Variants in COTL1 observed in about 807,000 individuals in gnomAD.
The protein encoded by COTL1 is coactosin like F-actin binding protein 1.
Under a neutral mutation model 16.5 loss-of-function variants are expected in COTL1, and 15 were observed. The observed-to-expected ratio is 0.91, with a 90% confidence interval of 0.61 to 1.40. The LOEUF (loss-of-function observed/expected upper bound fraction) is 1.40. Ranked by LOEUF, COTL1 falls within the 40% of genes most tolerant of loss-of-function variation. The probability of loss-of-function intolerance (pLI) is 0.00; values close to 1 mark genes in which losing one functional copy is unlikely to be tolerated. For synonymous variants in COTL1, 112 were observed against 85.3 expected (o/e 1.31, Z -1.73); for missense variants, 220 against 201.5 (o/e 1.09, Z -0.56).
At chr16:84,607,797 C>T (rs925492673) in intron 2 of COTL1, among the ~76,000 whole-genome samples, 9 of 152,126 alleles carry the variant, frequency 5.9e-5, no homozygotes, top group African/African-American at 2.2e-4. Context: ...AGGGAAAGGA[C>T]TCAACTCAGT....
chr16:84,592,790 C>T (rs16974238), intron 2 of COTL1, among the ~76,000 whole-genome samples: 3,792 of 152,120 alleles, frequency 0.025, 150 homozygotes, highest in African/African-American at 0.087. Context: ...GTAACCAGCA[C>T]GTTCGCCTTC....
chr16:84,582,718 C>G lies in COTL1; in HGVS notation c.318+7387G>C, dbSNP rs111506142. 2.6e-5 allele frequency among the ~76,000 whole-genome samples: 4 copies of G among 152,302 alleles called. 1 individual carries two copies. The South Asian group carries it at 8.3e-4, about 32-fold the overall frequency. On this transcript the variant is annotated intron_variant, in intron 3 of 3. Transcript: ENST00000262428. Reference sequence around the variant, plus strand: ...CACCAGGCATCAAAATGGAGAAGCCCTTTTCACACCTACTGCTTTTCTTTA... The same window carrying G: ...CACCAGGCATCAAAATGGAGAAGCCGTTTTCACACCTACTGCTTTTCTTTA...
intron 3 of COTL1, chr16:84,569,002 T>C (rs746451825): frequency 2.6e-5 from 4 of 152,218 alleles, no homozygotes; most frequent in Non-Finnish European, 2.9e-5. Context: ...CTGTGAATGT[T>C]CTGAAAGCCA....
chr16:84,572,300 T>G (rs1002915935), intron 3 of COTL1, among the ~76,000 whole-genome samples: 3 of 152,138 alleles, frequency 2.0e-5, no homozygotes, highest in African/African-American at 7.2e-5. Context: ...ATGCAAAGCG[T>G]GGCCACCCCT....
At chr16:84,585,815 A>C (rs933394334) in intron 3 of COTL1, among the ~76,000 whole-genome samples, 1 of 152,216 alleles carries the variant, frequency 6.6e-6, no homozygotes, top group Non-Finnish European at 1.5e-5. Context: ...TCAGATAATT[A>C]ACATTCGTAA....
At chr16:84,568,342 G>T (rs1904307688) in intron 3 of COTL1, 2 of 152,212 alleles carry the variant, frequency 1.3e-5, no homozygotes, top group African/African-American at 4.8e-5. Flanking sequence ...CAGTGCCACA[G>T]TACTGAGAAT....
intron 2 of COTL1, among the ~76,000 whole-genome samples, chr16:84,611,102 GACGAGAAAAC>G (rs1485404670): frequency 6.6e-6 from 1 of 152,160 alleles, no homozygotes; most frequent in Non-Finnish European, 1.5e-5. Context: ...CACCTTTACA[GACGAGAAAAC>G]ACAGACCCTG....
At chr16:84,591,254 A>G (rs1330885595) in intron 2 of COTL1, among the ~76,000 whole-genome samples, 3 of 148,358 alleles carry the variant, frequency 2.0e-5, no homozygotes, top group Non-Finnish European at 3.0e-5. Flanking sequence ...CGCGATCTCG[A>G]CTCACTGCAA....
At chr16:84,599,728 G>A (rs748001695) in intron 2 of COTL1, among the ~76,000 whole-genome samples, 7 of 152,166 alleles carry the variant, frequency 4.6e-5, no homozygotes, top group Non-Finnish European at 8.8e-5. Flanking sequence ...TAACTTTACA[G>A]AGACTCCGGA....
chr16:84,613,864 G>A (rs957930346), intron 2 of COTL1, among the ~76,000 whole-genome samples: 2 of 151,776 alleles, frequency 1.3e-5, no homozygotes, highest in African/African-American at 4.8e-5. Context: ...ATGTGATCCA[G>A]GCCTGGCCAC....
intron 3 of COTL1, among the ~76,000 whole-genome samples, chr16:84,582,687 A>G (rs936072852): frequency 1.3e-5 from 2 of 152,206 alleles, no homozygotes; most frequent in Non-Finnish European, 2.9e-5. Context: ...TGAAGGATGA[A>G]TAGTTCACCA....
intron 2 of COTL1, among the ~76,000 whole-genome samples, chr16:84,614,053 TAGG>T (rs1905403334): frequency 2.6e-5 from 4 of 152,046 alleles, no homozygotes; most frequent in Admixed American, 1.3e-4. Context: ...AAGACAGAGC[TAGG>T]AGGAGGAGGA....
intron 2 of COTL1, among the ~76,000 whole-genome samples, chr16:84,607,702 G>C (rs544389570): frequency 4.6e-5 from 7 of 152,232 alleles, no homozygotes; most frequent in African/African-American, 1.7e-4. Flanking sequence ...ATGGAGAAAA[G>C]GTGTTGGAAG....
intron 2 of COTL1, chr16:84,595,458 C>T (rs933876113): frequency 6.6e-6 from 1 of 152,228 alleles, no homozygotes; most frequent in African/African-American, 2.4e-5. Flanking sequence ...CCCTGCTCAC[C>T]CTGAAGGAGG....
At chr16:84,567,619 G>C (rs1012557143) in intron 3 of COTL1, 2 of 152,288 alleles carry the variant, frequency 1.3e-5, no homozygotes, top group African/African-American at 4.8e-5. Context: ...AGTTACACGA[G>C]GGTAGAGGCT....
rs1904991073 is a variant in COTL1 at position 84,595,842 on chromosome 16, G to GTGTATATATGT, written c.161-5581_161-5580insACATATATACA. ...GTATATACATACATTTGTGAGTACA[G>GTGTATATATGT]GTGTATATATGTGTGTATATATATT... On this transcript the variant is annotated intron_variant, in intron 2 of 3. Transcript: ENST00000262428. 7 of 152,080 alleles carry GTGTATATATGT rather than the reference G, an allele frequency of 4.6e-5. No homozygotes were observed. In the South Asian group the frequency reaches 1.4e-3, roughly 31 times the overall value. 9.4% of individuals were successfully genotyped at this position (152,080 alleles called of 1,614,324 possible).
chr16:84,615,673 C>T (rs1597189211), intron 2 of COTL1, among the ~76,000 whole-genome samples: 1 of 152,188 alleles, frequency 6.6e-6, no homozygotes, highest in Non-Finnish European at 1.5e-5. Flanking sequence ...TAAGAGTTTG[C>T]ACTTACTCCA....
chr16:84,608,654 C>T (rs1354176331), intron 2 of COTL1, among the ~76,000 whole-genome samples: 1 of 152,212 alleles, frequency 6.6e-6, no homozygotes, highest in Non-Finnish European at 1.5e-5. Flanking sequence ...GCCTGTAATT[C>T]CAACACTTTG....
intron 2 of COTL1, among the ~76,000 whole-genome samples, chr16:84,604,706 G>A (rs1008865454): frequency 6.6e-6 from 1 of 152,134 alleles, no homozygotes. Flanking sequence ...TGTTAGGCAG[G>A]GGCCCAGAGG....
Sources: allele counts gnomAD v4.1 joint callset (sites outside exome capture counted in the v4.1 genomes callset), GRCh38; gene constraint gnomAD v4.1.1; transcripts MANE v1.5; gene names NCBI Gene and HGNC (gene_info 2026-07-23, HGNC 2026-07-21).